Variants in CNTN4 observed in about 807,000 individuals in gnomAD.
CNTN4 encodes contactin-4.
A neutral mutation model predicts 122.5 loss-of-function variants in CNTN4; 77 were observed. The ratio of observed to expected loss-of-function variants is 0.63; its 90% CI spans 0.52 to 0.76. The LOEUF (loss-of-function observed/expected upper bound fraction) is 0.76, where lower values mean the gene tolerates loss of function less well. CNTN4 is among the 30% of genes least tolerant of loss of function. The pLI is 0.00. For missense variants in CNTN4, 1,256 were observed against 1,259.1 expected (o/e 1.00, Z 0.04); for synonymous variants, 512 against 447.0 (o/e 1.15, Z -1.83).
In CNTN4 at chr3:2,391,074, T is replaced by A. The variant is rs112898000; in HGVS notation, c.-89+51841T>A. Among the ~76,000 whole-genome samples, 213 of 152,308 alleles carry A rather than the reference T, an allele frequency of 1.4e-3. 2 individuals carry two copies. The Middle Eastern group carries it at 0.031, about 22-fold the overall frequency. On this transcript the variant is annotated intron_variant, in intron 3 of 24. Coordinates refer to ENST00000418658, the MANE Select transcript of CNTN4 (RefSeq NM_175607.3). ...ACTGTAATGGGGAACCAGATTTAGT[T>A]TGTAATGGGCTCAGTACTGACCTTC...
chr3:2,625,897 G>A (rs554341165), intron 4 of CNTN4, among the ~76,000 whole-genome samples: 1 of 152,166 alleles, frequency 6.6e-6, no homozygotes, highest in Non-Finnish European at 1.5e-5. Flanking sequence ...AACAATTTTT[G>A]TTGTTACATT....
intron 8 of CNTN4, among the ~76,000 whole-genome samples, chr3:2,877,367 G>C (rs934261703): frequency 6.6e-6 from 1 of 152,146 alleles, no homozygotes; most frequent in Non-Finnish European, 1.5e-5. Flanking sequence ...TTCAAGTGCC[G>C]TAACCTTCAT....
intron 3 of CNTN4, among the ~76,000 whole-genome samples, chr3:2,554,117 G>C (rs1332561779): frequency 6.6e-6 from 1 of 152,004 alleles, no homozygotes; most frequent in African/African-American, 2.4e-5. Context: ...TTATAATGAA[G>C]TACCTTAGGT....
chr3:3,008,297 C>G (rs186670807), intron 14 of CNTN4, among the ~76,000 whole-genome samples: 1 of 152,280 alleles, frequency 6.6e-6, no homozygotes, highest in East Asian at 1.9e-4. Flanking sequence ...AAACGCCATT[C>G]TCCTAAATGA....
chr3:2,274,804 A>AT (rs2041438000), intron 2 of CNTN4, among the ~76,000 whole-genome samples: 1 of 152,146 alleles, frequency 6.6e-6, no homozygotes, highest in Admixed American at 6.5e-5. Flanking sequence ...AAAATGTTAA[A>AT]TATTTGCAGT....
intron 13 of CNTN4, among the ~76,000 whole-genome samples, chr3:2,978,348 G>T (rs1198163255): frequency 6.6e-6 from 1 of 152,170 alleles, no homozygotes; most frequent in Non-Finnish European, 1.5e-5. Context: ...GCTGCTACTG[G>T]TTTAAAGTCA....
At chr3:2,793,662 C>T (rs1335003411) in intron 6 of CNTN4, among the ~76,000 whole-genome samples, 1 of 152,112 alleles carries the variant, frequency 6.6e-6, no homozygotes. Context: ...TTTCAATAGC[C>T]ACATTTCCAG....
At chr3:2,848,133 C>T (rs2093486231) in intron 7 of CNTN4, among the ~76,000 whole-genome samples, 1 of 152,092 alleles carries the variant, frequency 6.6e-6, no homozygotes, top group South Asian at 2.1e-4. Context: ...CACCTGTAGT[C>T]CCCAGCTACT....
chr3:2,182,812 G>A (rs1294120244), intron 2 of CNTN4, among the ~76,000 whole-genome samples: 3 of 151,292 alleles, frequency 2.0e-5, no homozygotes, highest in African/African-American at 7.3e-5. Flanking sequence ...TTGAGATAAA[G>A]CCACCAACTC....
At chr3:2,277,093 C>T (rs2041541985) in intron 2 of CNTN4, among the ~76,000 whole-genome samples, 1 of 151,848 alleles carries the variant, frequency 6.6e-6, no homozygotes, top group South Asian at 2.1e-4. Context: ...ACCAAAAAAG[C>T]AAGAGAGGAG....
chr3:2,572,869 T>C (rs913933076), intron 4 of CNTN4, among the ~76,000 whole-genome samples: 2 of 152,134 alleles, frequency 1.3e-5, no homozygotes, highest in African/African-American at 4.8e-5. Context: ...TGCTATAAAA[T>C]CAAAAATAAT....
chr3:2,300,774 T>C (rs1162971191), intron 2 of CNTN4, among the ~76,000 whole-genome samples: 1 of 151,988 alleles, frequency 6.6e-6, no homozygotes, highest in Non-Finnish European at 1.5e-5. Flanking sequence ...TTTCACCATG[T>C]TGGCCAGGAT....
chr3:2,383,560 C>T (rs1407846536), intron 3 of CNTN4, among the ~76,000 whole-genome samples: 1 of 152,082 alleles, frequency 6.6e-6, no homozygotes, highest in Non-Finnish European at 1.5e-5. Context: ...GGAATCTTGT[C>T]AAGAATCCAT....
chr3:2,199,726 A>C (rs924450881), intron 2 of CNTN4, among the ~76,000 whole-genome samples: 1 of 152,230 alleles, frequency 6.6e-6, no homozygotes, highest in African/African-American at 2.4e-5. Flanking sequence ...TAAATAACAT[A>C]GCATGTAAAT....
At chr3:2,741,371 G>A (rs775743044) in intron 5 of CNTN4, among the ~76,000 whole-genome samples, 125 of 152,164 alleles carry the variant, frequency 8.2e-4, no homozygotes, top group Non-Finnish European at 1.7e-3. Context: ...AGGGTGAATG[G>A]TTCTTTCATC....
rs187699212 is a variant in CNTN4, at chr3:2,294,472, G to A, written c.-144-44706G>A. ...ATGGCGAAACCCAGTCTCTGCAAAA[G>A]CATACAAAAATTGCTGGGCATGGTG... is the stretch of plus-strand genomic sequence containing the variant. On this transcript the variant is annotated intron_variant, in intron 2 of 24. Coordinates refer to ENST00000418658, the MANE Select transcript of CNTN4 (RefSeq NM_175607.3). Among the ~76,000 whole-genome samples, 338 of 151,966 alleles carry A rather than the reference G, an allele frequency of 2.2e-3. 1 individual carries two copies. The highest frequency in any genetic ancestry group is 7.5e-3 in the African/African-American group (311 of 41,474).
At chr3:2,863,625 G>GT (rs2093693255) in intron 7 of CNTN4, among the ~76,000 whole-genome samples, 1 of 151,936 alleles carries the variant, frequency 6.6e-6, no homozygotes, top group Admixed American at 6.6e-5. Context: ...TTTACTTATT[G>GT]TTTTTTGAAT....
At chr3:2,294,658 G>C (rs1443487083) in intron 2 of CNTN4, among the ~76,000 whole-genome samples, 2 of 151,982 alleles carry the variant, frequency 1.3e-5, no homozygotes, top group African/African-American at 2.4e-5. Context: ...AAAAGAATAG[G>C]CTGTCTCTAA....
At chr3:2,748,112 C>G (rs561738907) in intron 6 of CNTN4, among the ~76,000 whole-genome samples, 3 of 152,256 alleles carry the variant, frequency 2.0e-5, no homozygotes, top group South Asian at 4.1e-4. Context: ...ATATATGTGT[C>G]TTAACTTTTG....
Sources: allele counts gnomAD v4.1 joint callset (sites outside exome capture counted in the v4.1 genomes callset), GRCh38; gene constraint gnomAD v4.1.1; transcripts MANE v1.5; gene names NCBI Gene and HGNC (gene_info 2026-07-23, HGNC 2026-07-21).